The following ITGA2B variants were observed in gnomAD, a reference collection of about 807,000 sequenced individuals.
ITGA2B encodes the protein integrin alpha-IIb.
A neutral mutation model predicts 142.0 loss-of-function variants in ITGA2B; 91 were observed. The observed-to-expected ratio is 0.64, with a 90% CI of 0.54 to 0.76. ITGA2B has a LOEUF of 0.76. Ranked by LOEUF, ITGA2B falls within the 30% of genes least tolerant of loss-of-function variation. The pLI, the probability that ITGA2B is intolerant of heterozygous loss-of-function variation, is 0.00. For synonymous variants in ITGA2B, 536 were observed against 567.2 expected (o/e 0.94, Z 0.78); for missense variants, 1,231 against 1,350.8 (o/e 0.91, Z 1.39).
intron 13 of ITGA2B, 104 bp downstream of exon 13, chr17:44,380,775 G>A: frequency 6.3e-7 from 1 of 1,584,318 alleles, no homozygotes; most frequent in Non-Finnish European, 8.7e-7. Context: ...GTCCATAGTG[G>A]GACACCAGGC....
In ITGA2B at chr17:44,375,865, A is replaced by G. The variant is rs1598376647; in HGVS notation, c.2569T>C (p.Cys857Arg). The G allele has an allele frequency of 3.8e-6, 6 of 1,597,716 alleles. No homozygotes were observed. Among genetic ancestry groups the G allele is most frequent in the Non-Finnish European group, 5.1e-6 (6 of 1,172,450 alleles). ...LDIQPQGGLQ[C>R]FPQPPVNPLK... is the part of the protein sequence containing the mutation. ...GGGTTGACAGGAGGCTGTGGGAAGC[A>G]CTGAAGGCCCCCCTGGGGCTGTATA... Residue 857 changes from cysteine to arginine, a missense_variant, in exon 25 of 30, where the codon TGC (cysteine) becomes CGC (arginine). By Grantham distance (180) the Cys-to-Arg change is radical. This residue lies in a region of ITGA2B where 908 missense variants were observed against 1,021.1 expected (regional missense o/e 0.89). Coordinates refer to ENST00000262407, the MANE Select transcript of ITGA2B (RefSeq NM_000419.5).
rs1567897105 is a variant in ITGA2B, at chr17:44,373,764, C to CT, written c.3060+589dup. Among the ~76,000 whole-genome samples the CT allele has an allele frequency of 2.0e-5, 3 of 152,300 alleles. No individual in the cohort carries two copies. In the East Asian group the frequency reaches 5.8e-4, roughly 29 times the overall value. On this transcript the variant is annotated intron_variant, in intron 29 of 29. Transcript: ENST00000262407. ...TCTATACCCTCTATATCCTCTGAAT[C>CT]TTTTTGGTGGCAGGGGTGTCTAAAG...
intron 27 of ITGA2B, 101 bp from the exon 28 acceptor site, chr17:44,374,861 C>G: frequency 7.9e-7 from 1 of 1,265,086 alleles, no homozygotes; most frequent in Non-Finnish European, 1.1e-6. Flanking sequence ...TGCCTCTGAC[C>G]TAATCCCACT....
chr17:44,386,356 G>C (rs541708683), intron 1 of ITGA2B, among the ~76,000 whole-genome samples: 2 of 152,202 alleles, frequency 1.3e-5, no homozygotes, highest in South Asian at 4.1e-4. Context: ...AGTGAGTTGA[G>C]AGTAGAGCTG....
intron 29 of ITGA2B, 117 bp downstream of exon 29, chr17:44,374,237 C>A (rs1034061473): frequency 4.6e-6 from 4 of 863,590 alleles, no homozygotes; most frequent in Non-Finnish European, 7.9e-6. Flanking sequence ...GAGACATAGA[C>A]CCCTGGTCCC....
rs200729954 is a variant in ITGA2B, at chr17:44,378,718, G to A, written c.1879-8C>T. Reference sequence around the variant, plus strand: ...GTCCAGGACGATTCGTGTCTAGAGGGGCACATTGGGGTGTGCGGGTAAGTT... The same window carrying A: ...GTCCAGGACGATTCGTGTCTAGAGGAGCACATTGGGGTGTGCGGGTAAGTT... On this transcript the variant is annotated splice_polypyrimidine_tract_variant and splice_region_variant and intron_variant, in intron 18 of 29. Transcript: ENST00000262407. The A allele has an allele frequency of 1.1e-5, 17 of 1,554,164 alleles. No homozygotes were observed. The Admixed American group carries it at 2.1e-4, about 20-fold the overall frequency.
At position 44,379,797 on chromosome 17, in the gene ITGA2B, C is replaced by T. The variant is rs1164700433; in HGVS notation, c.1770G>A (p.Arg590=). Residue 590 remains arginine (R), a synonymous_variant, in exon 18 of 30, where the codon CGG becomes CGA. Coordinates refer to ENST00000262407, the MANE Select transcript of ITGA2B (RefSeq NM_000419.5). ...MAFLRDEADF[R]DKLSPIVLSL... ...TGAGCACAATGGGGCTCAGCTTGTC[C>T]CGGAAGTCTGCCTCATCCTAGGACA... 1.9e-6 allele frequency: 3 copies of T among 1,613,866 alleles called. No homozygotes were observed. In the South Asian group the frequency reaches 3.3e-5, roughly 18 times the overall value.
intron 1 of ITGA2B, among the ~76,000 whole-genome samples, chr17:44,388,351 C>CTTTTTTTTT (rs35720866): frequency 1.0e-5 from 1 of 97,362 alleles, no homozygotes; most frequent in African/African-American, 4.6e-5. Context: ...CATTTCCTTT[C>CTTTTTTTTT]TTTTTTTTTT....
At chr17:44,389,220 C>T (rs2048677064) in intron 1 of ITGA2B, 66 bp downstream of exon 1, 1 of 1,562,622 alleles carries the variant, frequency 6.4e-7, no homozygotes, top group Non-Finnish European at 8.8e-7. Context: ...AACTCGAAGC[C>T]CCCAGAAGCA....
Position 44,372,349 on chromosome 17 carries a change from G to A in ITGA2B, c.*15C>T. On this transcript the variant is annotated 3_prime_UTR_variant, in exon 30 of 30. Transcript: ENST00000262407. ...CACGCCCAACCCTCCTGCTAGAATA[G>A]TGTAGGCTGCACCATCACTCCCCCT... 1 of 1,613,988 alleles carries A rather than the reference G, an allele frequency of 6.2e-7. No individual in the cohort carries two copies. Among genetic ancestry groups the A allele is most frequent in the East Asian group, 2.2e-5 (1 of 44,870 alleles).
intron 7 of ITGA2B, 80 bp downstream of exon 7, chr17:44,384,868 G>C: frequency 6.2e-7 from 1 of 1,604,472 alleles, no homozygotes; most frequent in Non-Finnish European, 8.5e-7. Context: ...GGCCATGGAG[G>C]CTCCCACAGG....
In ITGA2B at chr17:44,385,347, A is replaced by G. The variant is rs969085120; in HGVS notation, c.575-12T>C. 1.1e-5 allele frequency: 18 copies of G among 1,608,810 alleles called. No individual in the cohort carries two copies. Among genetic ancestry groups the G allele is most frequent in the Non-Finnish European group, 1.4e-5 (16 of 1,179,520 alleles). On this transcript the variant is annotated splice_polypyrimidine_tract_variant and intron_variant, in intron 4 of 29. Coordinates refer to ENST00000262407, the MANE Select transcript of ITGA2B (RefSeq NM_000419.5). The stretch of plus-strand genomic sequence containing the variant: ...ACGCTTGTCCCAGCCTGCAGGAGAC[A>G]AGGAGGAGGGGTCAGCGCAGGGGTG...
chr17:44,385,556 T>C lies in ITGA2B; in HGVS notation c.569A>G (p.Asp190Gly). ...NTLSRIYVEN[D>G]FSWDKRYCEA... ...AGGTCGTAGCTGGCGCTTACTAAAA[T>C]CATTTTCCACGTAAATGCGGCTCAG... The change falls in exon 4 of 30, where the codon GAT (aspartate) becomes GGT (glycine). Residue 190 changes from aspartate (D) to glycine (G), a missense_variant. By Grantham distance (94) the Asp-to-Gly change is moderately conservative. Transcript: ENST00000262407. 6.3e-7 allele frequency: 1 copy of C among 1,579,222 alleles called. No individual in the cohort carries two copies. Among genetic ancestry groups the C allele is most frequent in the Non-Finnish European group, 8.6e-7 (1 of 1,166,544 alleles).
intron 1 of ITGA2B, among the ~76,000 whole-genome samples, chr17:44,389,014 C>G (rs1325279197): frequency 6.6e-6 from 1 of 151,892 alleles, no homozygotes; most frequent in African/African-American, 2.4e-5. Context: ...ATACAACTGA[C>G]CCTTGGGGAA....
chr17:44,383,487 C>A lies in ITGA2B; in HGVS notation c.1210+6G>T. ...TGCAGCAAGTAGGGCTCCTCTCTTCCCTCACCATTGTAGCCATCCCGGTCG... is the reference window on the plus strand; with the variant it reads ...TGCAGCAAGTAGGGCTCCTCTCTTCACTCACCATTGTAGCCATCCCGGTCG... On this transcript the variant is annotated splice_donor_region_variant and intron_variant, in intron 12 of 29. Coordinates refer to ENST00000262407, the MANE Select transcript of ITGA2B (RefSeq NM_000419.5). The A allele has an allele frequency of 6.2e-7, 1 of 1,606,064 alleles. No individual in the cohort carries two copies.
chr17:44,376,170 G>T lies in ITGA2B; in HGVS notation c.2363C>A (p.Ala788Asp), dbSNP rs142445733. The change falls in exon 24 of 30, where the codon GCC becomes GAC. Residue 788 changes from alanine (A) to aspartate (D), a missense_variant. Coordinates refer to ENST00000262407, the MANE Select transcript of ITGA2B (RefSeq NM_000419.5). ...QVELRGNSFP[A>D]SLVVAAEEGE... is the part of the protein sequence containing the mutation. ...TTCTTCTGCTGCCACCACCAGGGAG[G>T]CTGGAAAGGAGTTCCTGCAGGTGCC... 926 of 1,614,158 alleles carry T rather than the reference G, an allele frequency of 5.7e-4. 1 individual carries two copies. The highest frequency in any genetic ancestry group is 7.2e-4 in the Non-Finnish European group (845 of 1,180,018).
intron 7 of ITGA2B, 146 bp from the exon 8 acceptor site, chr17:44,384,731 G>A (rs2048628538): frequency 8.0e-7 from 1 of 1,251,254 alleles, no homozygotes. Flanking sequence ...GCCAAGCCCT[G>A]CCCCAGGCTG....
Position 44,377,038 on chromosome 17 carries a change from C to T in ITGA2B, c.2238G>A (p.Glu746=). The T allele has an allele frequency of 1.9e-6, 3 of 1,592,504 alleles. No individual in the cohort carries two copies. Among genetic ancestry groups the T allele is most frequent in the Non-Finnish European group, 2.6e-6 (3 of 1,169,876 alleles). The change falls in exon 22 of 30, where the codon GAG becomes GAA. Residue 746 remains glutamate (E), a synonymous_variant. Coordinates refer to ENST00000262407, the MANE Select transcript of ITGA2B (RefSeq NM_000419.5). ...VSVGNLEEAG[E]SVSFQLQIRS... is the part of the protein sequence containing the mutation. ...GTATCTGCAGCTGGAAGGACACAGA[C>T]TCCCCAGCCTCTTCCAGATTCCCCA...
intron 5 of ITGA2B, 36 bp from the exon 6 acceptor site, chr17:44,385,245 G>A (rs775694554): frequency 2.5e-6 from 4 of 1,613,894 alleles, no homozygotes; most frequent in Admixed American, 3.3e-5. Context: ...AGGGGGCCCT[G>A]TTTGGGAGCC....
Sources: gnomAD v4.1 joint callset for allele counts (sites outside exome capture counted in the v4.1 genomes callset) on GRCh38, gnomAD v4.1.1 for gene constraint, gnomAD v4.1.1 regional missense constraint, MANE v1.5 for transcripts, NCBI Gene and HGNC (gene_info 2026-07-23, HGNC 2026-07-21) for gene names.